Variants in GALNT10 observed in about 807,000 individuals in gnomAD.
The protein encoded by GALNT10 is GalNAc transferase 10.
GALNT10 carries 41 observed loss-of-function variants against 75.0 expected under a neutral mutation model. The ratio of observed to expected loss-of-function variants is 0.55; its 90% confidence interval spans 0.43 to 0.71. The LOEUF (loss-of-function observed/expected upper bound fraction) is 0.71, where lower values mean the gene tolerates loss of function less well. Among genes scored for constraint, GALNT10 ranks in the 30% least tolerant of loss-of-function variants. The pLI, the probability that GALNT10 is intolerant of heterozygous loss-of-function variation, is 0.00. For synonymous variants in GALNT10, 302 were observed against 313.0 expected, an observed-to-expected ratio of 0.96 and a Z score of 0.37; for missense variants, 727 against 818.5, an observed-to-expected ratio of 0.89 and a Z score of 1.36.
chr5:154,400,623 G>A (rs1310532598), intron 7 of GALNT10, among the ~76,000 whole-genome samples: 1 of 152,176 alleles, frequency 6.6e-6, no homozygotes, highest in Non-Finnish European at 1.5e-5. Context: ...TTAGACCAGG[G>A]ACATAATCCT....
intron 3 of GALNT10, among the ~76,000 whole-genome samples, chr5:154,306,605 C>T (rs1481063974): frequency 6.6e-6 from 1 of 152,020 alleles, no homozygotes; most frequent in Non-Finnish European, 1.5e-5. Flanking sequence ...ACATCAACTT[C>T]CACTTTCAGA....
chr5:154,315,155 T>C (rs150452823), intron 3 of GALNT10, among the ~76,000 whole-genome samples: 1 of 152,252 alleles, frequency 6.6e-6, no homozygotes, highest in South Asian at 2.1e-4. Context: ...TTGATTCAGC[T>C]GTAGTACAAC....
chr5:154,413,670 A>G (rs2113226072), intron 10 of GALNT10, among the ~76,000 whole-genome samples: 1 of 152,296 alleles, frequency 6.6e-6, no homozygotes, highest in East Asian at 1.9e-4. Context: ...CAATCCCAAC[A>G]GTGTGGGAAG....
At position 154,236,139 on chromosome 5, in the gene GALNT10, G is replaced by A. The variant is rs1581932244; in HGVS notation, c.159+45114G>A. Among the ~76,000 whole-genome samples, 3 of 152,272 alleles carry A rather than the reference G, an allele frequency of 2.0e-5. No individual in the cohort carries two copies. In the South Asian group the frequency reaches 6.2e-4, roughly 32 times the overall value. On this transcript the variant is annotated intron_variant, in intron 1 of 11. Transcript: ENST00000297107. ...AGGGAGTCAAAACCTGAGCTCTAAA[G>A]TTAGATCCCTTGTGTTCACAGTTCC...
intron 1 of GALNT10, chr5:154,218,051 G>C (rs1371442640): frequency 2.3e-5 from 23 of 984,972 alleles, no homozygotes; most frequent in Non-Finnish European, 2.8e-5. Flanking sequence ...CCCCAGCCTG[G>C]GCACTGCTGT....
intron 4 of GALNT10, among the ~76,000 whole-genome samples, chr5:154,364,688 T>TG (rs112800418): frequency 2.0e-5 from 3 of 151,756 alleles, no homozygotes; most frequent in Admixed American, 1.3e-4. Flanking sequence ...GATTTTTTTT[T>TG]CTTTTTTAAT....
chr5:154,239,005 G>A (rs1753291772), intron 1 of GALNT10, among the ~76,000 whole-genome samples: 1 of 152,162 alleles, frequency 6.6e-6, no homozygotes, highest in Non-Finnish European at 1.5e-5. Flanking sequence ...GCTGGTCAGT[G>A]TCAGAGCTGA....
chr5:154,242,182 C>A (rs1333823533), intron 1 of GALNT10, among the ~76,000 whole-genome samples: 2 of 152,182 alleles, frequency 1.3e-5, no homozygotes, highest in African/African-American at 4.8e-5. Flanking sequence ...TTACCAGAGT[C>A]TTGATTCTAC....
intron 3 of GALNT10, among the ~76,000 whole-genome samples, chr5:154,326,404 C>A (rs1754756837): frequency 6.6e-6 from 1 of 152,134 alleles, no homozygotes; most frequent in Non-Finnish European, 1.5e-5. Context: ...TTGCTATGTA[C>A]CCACAGAATT....
chr5:154,329,961 CAAAAAA>C (rs4032071), intron 4 of GALNT10: 6 of 127,106 alleles, frequency 4.7e-5, no homozygotes, highest in East Asian at 2.1e-4. Context: ...GTATTAACTG[CAAAAAA>C]AAAAAAAAAA....
intron 7 of GALNT10, among the ~76,000 whole-genome samples, chr5:154,397,910 A>T (rs59475849): frequency 0.019 from 2,901 of 152,060 alleles, 94 homozygotes; most frequent in African/African-American, 0.063. Flanking sequence ...TCTGGGTCCC[A>T]TTGTGTTTTC....
chr5:154,210,407 CA>C lies in GALNT10; in HGVS notation c.159+19383del, dbSNP rs1358322265. Among the ~76,000 whole-genome samples the C allele has an allele frequency of 2.8e-4, 42 of 152,270 alleles. No individual in the cohort carries two copies. The East Asian group carries it at 7.5e-3, about 27-fold the overall frequency. On this transcript the variant is annotated intron_variant, in intron 1 of 11. Transcript: ENST00000297107. ...GCATACACACACACACACACACACA[CA>C]CACACAGTTTTGCTTGGCTAATTCT...
At position 154,372,816 on chromosome 5, in the gene GALNT10, G is replaced by A. The variant is rs927907199; in HGVS notation, c.569-3461G>A. On this transcript the variant is annotated intron_variant, in intron 4 of 11. Transcript: ENST00000297107. ...GGCATGAGACCAAATGCTGAGAGGG[G>A]GTATGGGTGGGGCACCAGATGTGTG... Among the ~76,000 whole-genome samples, 6 of 152,232 alleles carry A rather than the reference G, an allele frequency of 3.9e-5. No homozygotes were observed. In the East Asian group the frequency reaches 9.7e-4, roughly 25 times the overall value.
chr5:154,356,493 C>T (rs1476969832), intron 4 of GALNT10, among the ~76,000 whole-genome samples: 1 of 152,206 alleles, frequency 6.6e-6, no homozygotes, highest in East Asian at 1.9e-4. Context: ...AAGCCCTGCC[C>T]TCTCTGATTC....
intron 1 of GALNT10, among the ~76,000 whole-genome samples, chr5:154,227,282 A>G (rs1753077681): frequency 6.6e-6 from 1 of 152,208 alleles, no homozygotes; most frequent in African/African-American, 2.4e-5. Context: ...AGTATATGAG[A>G]ATTTCAGTTT....
At chr5:154,349,988 C>T (rs957043420) in intron 4 of GALNT10, among the ~76,000 whole-genome samples, 1 of 152,158 alleles carries the variant, frequency 6.6e-6, no homozygotes, top group Non-Finnish European at 1.5e-5. Context: ...GTCACACAAG[C>T]CACATTTCAC....
At chr5:154,372,585 TGACAGGCAGCACTGCAG>T (rs1224969214) in intron 4 of GALNT10, among the ~76,000 whole-genome samples, 1 of 152,164 alleles carries the variant, frequency 6.6e-6, no homozygotes, top group Non-Finnish European at 1.5e-5. Context: ...AGAGTGCCTG[TGACAGGCAGCACTGCAG>T]GACAGGCAGC....
At chr5:154,256,353 GTTT>G (rs1004089623) in intron 1 of GALNT10, among the ~76,000 whole-genome samples, 2 of 18,926 alleles carry the variant, frequency 1.1e-4, no homozygotes, top group Admixed American at 9.6e-4. Context: ...TGTTGTTTTT[GTTT>G]TTTTTTTTTT....
At chr5:154,257,570 G>A (rs1420045215) in intron 1 of GALNT10, among the ~76,000 whole-genome samples, 1 of 152,018 alleles carries the variant, frequency 6.6e-6, no homozygotes, top group Non-Finnish European at 1.5e-5. Flanking sequence ...TGGGGAGGCT[G>A]AGGCAGGAGA....
Sources: allele counts gnomAD v4.1 joint callset (sites outside exome capture counted in the v4.1 genomes callset), GRCh38; gene constraint gnomAD v4.1.1; transcripts MANE v1.5; gene names NCBI Gene and HGNC (gene_info 2026-07-23, HGNC 2026-07-21).